PRPF31: variants seen among roughly 807,000 people sequenced by gnomAD.
PRPF31 encodes the protein U4/U6 small nuclear ribonucleoprotein Prp31.
PRPF31 carries 12 observed loss-of-function variants against 60.4 expected under a neutral mutation model. The ratio of observed to expected loss-of-function variants is 0.20; its 90% CI spans 0.13 to 0.32. The LOEUF (loss-of-function observed/expected upper bound fraction) is 0.32. PRPF31 is among the 10% of genes least tolerant of loss of function. The pLI is 1.00. For synonymous variants in PRPF31, 287 were observed against 287.9 expected, an observed-to-expected ratio of 1.00 and a Z score of 0.03; for missense variants, 431 against 687.1, an observed-to-expected ratio of 0.63 and a Z score of 4.17.
At chr19:54,127,941 G>C (rs1485942861) in intron 9 of PRPF31, 132 bp from the exon 10 acceptor site, 7 of 1,262,596 alleles carry the variant, frequency 5.5e-6, no homozygotes, top group South Asian at 2.6e-5. Context: ...GAAAAAGAAA[G>C]GGGGTGGCGG....
intron 3 of PRPF31, 59 bp downstream of exon 3, chr19:54,118,692 G>T: frequency 6.4e-7 from 1 of 1,569,930 alleles, no homozygotes. Flanking sequence ...AGGCCCCCTG[G>T]CTCCCTGGCT....
rs751651077 is a variant in PRPF31, at chr19:54,123,795, G to A, written c.574G>A (p.Asp192Asn). 7.8e-5 allele frequency: 126 copies of A among 1,612,356 alleles called. No individual in the cohort carries two copies. The highest frequency in any genetic ancestry group is 3.3e-4 in the Middle Eastern group (2 of 6,082). ...GCTGGAGCGGCTGGAGGAGGCCTGC[G>A]ACATGGCGCTGGAGCTGAACGCCTC... The part of the protein sequence containing the change: ...EELERLEEAC[D>N]MALELNASKH... Residue 192 changes from aspartate to asparagine, a missense_variant, in exon 7 of 14, where the codon GAC becomes AAC. Physicochemically the swap from Asp to Asn is conservative, Grantham distance 23. Coordinates refer to ENST00000321030, the MANE Select transcript of PRPF31 (RefSeq NM_015629.4).
At chr19:54,128,002 G>C in intron 9 of PRPF31, 71 bp from the exon 10 acceptor site, 3 of 1,546,310 alleles carry the variant, frequency 1.9e-6, no homozygotes, top group Non-Finnish European at 2.6e-6. Flanking sequence ...TACTCGGGGG[G>C]CCCGCTCAGA....
chr19:54,131,232 T>A (rs1208168147), intron 13 of PRPF31, 75 bp from the exon 14 acceptor site: 1 of 1,585,020 alleles, frequency 6.3e-7, no homozygotes, highest in Non-Finnish European at 8.7e-7. Flanking sequence ...GGGAAGGGCC[T>A]GGGGGGCTCT....
At chr19:54,125,739 T>C (rs1375911439) in intron 8 of PRPF31, among the ~76,000 whole-genome samples, 1 of 152,150 alleles carries the variant, frequency 6.6e-6, no homozygotes, top group Non-Finnish European at 1.5e-5. Flanking sequence ...GGTCAGGCAC[T>C]GCTACTGGAA....
chr19:54,126,683 G>A, intron 9 of PRPF31, 66 bp downstream of exon 9: 1 of 1,481,026 alleles, frequency 6.8e-7, no homozygotes, highest in South Asian at 1.2e-5. Flanking sequence ...TCTCTGCAGG[G>A]AGACCCTCAG....
intron 3 of PRPF31, among the ~76,000 whole-genome samples, chr19:54,120,978 G>A (rs2146404227): frequency 6.6e-6 from 1 of 152,260 alleles, no homozygotes; most frequent in East Asian, 1.9e-4. Flanking sequence ...ATGCTCTGGG[G>A]AGAGGGAGCA....
chr19:54,128,443 G>A, intron 11 of PRPF31, 66 bp downstream of exon 11: 1 of 1,453,836 alleles, frequency 6.9e-7, no homozygotes, highest in Non-Finnish European at 9.4e-7. Context: ...TCTGCCTCCT[G>A]CCACCGCCCC....
At chr19:54,122,931 G>A in intron 5 of PRPF31, 1 of 502,248 alleles carries the variant, frequency 2.0e-6, no homozygotes, top group Non-Finnish European at 3.6e-6. Context: ...AGTGCAGAGA[G>A]CTGGAGAGGG....
In PRPF31 at chr19:54,124,580, C is replaced by T. The variant is rs1434025015; in HGVS notation, c.779C>T (p.Ser260Leu). The change falls in exon 8 of 14, where the codon TCG becomes TTG. Residue 260 changes from serine (S) to leucine (L), a missense_variant. Coordinates refer to ENST00000321030, the MANE Select transcript of PRPF31 (RefSeq NM_015629.4). ...MLLGAQRKTL[S>L]GFSSTSVLPH... ...CTCGGGGCCCAGCGCAAGACGCTGT[C>T]GGGCTTCTCGTCTACCTCAGTGCTG... 1.9e-6 allele frequency: 3 copies of T among 1,613,302 alleles called. No homozygotes were observed. The highest frequency in any genetic ancestry group is 1.3e-5 in the African/African-American group (1 of 74,932).
intron 7 of PRPF31, chr19:54,124,222 G>T: frequency 1.5e-6 from 1 of 647,408 alleles, no homozygotes. Context: ...TCCCTGGAAC[G>T]GCGTTAGTGT....
intron 3 of PRPF31, chr19:54,118,839 C>G: frequency 1.6e-6 from 1 of 608,774 alleles, no homozygotes. Context: ...TTCCTGTGTG[C>G]TGAGCTTACT....
At chr19:54,121,527 C>T (rs1176530347) in intron 3 of PRPF31, among the ~76,000 whole-genome samples, 1 of 152,130 alleles carries the variant, frequency 6.6e-6, no homozygotes, top group Non-Finnish European at 1.5e-5. Context: ...GCAGGCACAG[C>T]ACTGGTCCCT....
At chr19:54,123,293 G>A (rs928733291) in intron 5 of PRPF31, 161 bp from the exon 6 acceptor site, 6 of 699,728 alleles carry the variant, frequency 8.6e-6, no homozygotes, top group South Asian at 4.5e-5. Flanking sequence ...GGCAGGAATG[G>A]TGTGGATGCT....
Position 54,131,437 on chromosome 19 carries a change from C to T in PRPF31, c.*5C>T. 2 of 1,614,038 alleles carry T rather than the reference C, an allele frequency of 1.2e-6. No individual in the cohort carries two copies. The highest frequency in any genetic ancestry group is 2.2e-5 in the East Asian group (1 of 44,884). On this transcript the variant is annotated 3_prime_UTR_variant, in exon 14 of 14. Transcript: ENST00000321030. Reference sequence around the variant, plus strand: ...AGTGGCCTTATGTCCACCTGAATGACTGCGTGTGTCCAAGGTGGCTTCCCA... The same window carrying T: ...AGTGGCCTTATGTCCACCTGAATGATTGCGTGTGTCCAAGGTGGCTTCCCA...
intron 11 of PRPF31, 63 bp downstream of exon 11, chr19:54,128,440 C>T (rs2073973503): frequency 6.9e-7 from 1 of 1,456,124 alleles, no homozygotes; most frequent in East Asian, 2.5e-5. Context: ...CCCTCTGCCT[C>T]CTGCCACCGC....
chr19:54,124,436 A>C, intron 7 of PRPF31, 63 bp from the exon 8 acceptor site: 1 of 1,308,564 alleles, frequency 7.6e-7, no homozygotes, highest in Non-Finnish European at 1.1e-6. Context: ...AGGCAGATTT[A>C]CTCACCCCCA....
chr19:54,118,740 A>G, intron 3 of PRPF31, 107 bp downstream of exon 3: 2 of 1,123,226 alleles, frequency 1.8e-6, no homozygotes. Context: ...AGCCTTTTCC[A>G]GAGCCTTCTT....
At position 54,131,635 on chromosome 19, in the gene PRPF31, G is replaced by A. The variant is rs587688956; in HGVS notation, c.*203G>A. ...CACCGCCCAGTATGGGCTAGAGCAG[G>A]TCTTCATCATGCCTTGTCTTTTTTA... On this transcript the variant is annotated 3_prime_UTR_variant, in exon 14 of 14. Transcript: ENST00000321030. 4 of 686,446 alleles carry A rather than the reference G, an allele frequency of 5.8e-6. 1 individual carries two copies. The Admixed American group carries it at 1.1e-4, about 18-fold the overall frequency. The allele number at this position is 686,446 out of a possible 1,614,324, so 42.5% of individuals were successfully genotyped here.
Sources: gnomAD v4.1 joint callset for allele counts (sites outside exome capture counted in the v4.1 genomes callset) on GRCh38, gnomAD v4.1.1 for gene constraint, MANE v1.5 for transcripts, NCBI Gene and HGNC (gene_info 2026-07-23, HGNC 2026-07-21) for gene names.